The following RANBP2 variants were observed in gnomAD, a reference collection of about 807,000 sequenced individuals.
RANBP2 encodes the protein RAN binding protein 2, also known as E3 SUMO-protein ligase RanBP2.
Under a neutral mutation model 303.6 loss-of-function variants are expected in RANBP2, and 57 were observed. The observed-to-expected ratio is 0.19, with a 90% confidence interval of 0.15 to 0.23. The LOEUF is 0.23. RANBP2 is among the 10% of genes least tolerant of loss of function. The pLI, the probability that RANBP2 is intolerant of heterozygous loss-of-function variation, is 1.00. For synonymous variants in RANBP2, 1,167 were observed against 1,301.5 expected (o/e 0.90, Z 2.23); for missense variants, 3,138 against 3,780.8 (o/e 0.83, Z 4.46).
chr2:109,675,554 C>T, the RANBP2 span, among the ~76,000 whole-genome samples: 10 of 151,976 alleles, frequency 6.6e-5, no homozygotes, highest in Admixed American at 1.3e-4. Context: ...TGGTAGCAGG[C>T]GCCTGTAATC....
At chr2:109,380,457 G>A in the RANBP2 span, among the ~76,000 whole-genome samples, 2 of 152,156 alleles carry the variant, frequency 1.3e-5, no homozygotes, top group Admixed American at 6.5e-5. Flanking sequence ...GTTTTACAGA[G>A]CTCATCAAGC....
the RANBP2 span, among the ~76,000 whole-genome samples, chr2:109,240,770 CT>C: frequency 6.7e-6 from 1 of 148,652 alleles, no homozygotes; most frequent in Admixed American, 6.8e-5. Flanking sequence ...TCCTGTCGTC[CT>C]TCTCCTCTCT....
the RANBP2 span, among the ~76,000 whole-genome samples, chr2:109,150,846 T>A: frequency 2.0e-5 from 3 of 152,172 alleles, no homozygotes; most frequent in Non-Finnish European, 2.9e-5. Context: ...TTTGTGCTTT[T>A]ACCATACTAT....
chr2:109,221,781 A>G, the RANBP2 span, among the ~76,000 whole-genome samples: 46 of 152,298 alleles, frequency 3.0e-4, no homozygotes, highest in African/African-American at 1.0e-3. Context: ...GGCAGCCACT[A>G]TGGAAACCAG....
chr2:109,617,564 G>A, the RANBP2 span: 1 of 167,022 alleles, frequency 6.0e-6, no homozygotes, highest in South Asian at 2.1e-4. Flanking sequence ...TCGCGTAGTT[G>A]CTGAAACCTA....
chr2:108,973,189 T>C, the RANBP2 span, among the ~76,000 whole-genome samples: 1 of 152,238 alleles, frequency 6.6e-6, no homozygotes, highest in African/African-American at 2.4e-5. Context: ...GGTTTCACCA[T>C]GTTGGCCAGG....
chr2:109,584,165 GA>G, the RANBP2 span, among the ~76,000 whole-genome samples: 1 of 151,898 alleles, frequency 6.6e-6, no homozygotes, highest in African/African-American at 2.4e-5. Flanking sequence ...TTTTTAAAAG[GA>G]AAAAAATTAC....
the RANBP2 span, among the ~76,000 whole-genome samples, chr2:109,237,138 C>T: frequency 1.1e-4 from 16 of 152,130 alleles, no homozygotes; most frequent in East Asian, 1.7e-3. Flanking sequence ...AAGATGTTCA[C>T]GGAATAGATT....
At chr2:109,492,943 C>G in the RANBP2 span, among the ~76,000 whole-genome samples, 1 of 152,160 alleles carries the variant, frequency 6.6e-6, no homozygotes, top group Non-Finnish European at 1.5e-5. Context: ...AAGTGCCTTC[C>G]CCTCTACAGG....
the RANBP2 span, among the ~76,000 whole-genome samples, chr2:109,185,436 C>T: frequency 4.9e-4 from 75 of 152,310 alleles, no homozygotes; most frequent in African/African-American, 8.2e-4. Flanking sequence ...ATCCTTGATC[C>T]GAAGAGGCAA....
At chr2:109,019,157 G>A in the RANBP2 span, among the ~76,000 whole-genome samples, 59 of 152,332 alleles carry the variant, frequency 3.9e-4, 1 homozygote, top group Non-Finnish European at 6.2e-4. Flanking sequence ...CACGCCCTTC[G>A]GCAAACTGCA....
intron 18 of RANBP2, among the ~76,000 whole-genome samples, chr2:108,760,980 T>C (rs1676693385): frequency 6.6e-6 from 1 of 151,846 alleles, no homozygotes; most frequent in African/African-American, 2.4e-5. Flanking sequence ...CCTATTAACA[T>C]TTCTTTCCTA....
chr2:109,705,903 C>G, the RANBP2 span, among the ~76,000 whole-genome samples: 3 of 152,146 alleles, frequency 2.0e-5, no homozygotes, highest in Non-Finnish European at 4.4e-5. Flanking sequence ...ATCTCAGCCC[C>G]CCACAAAAAA....
chr2:109,369,560 T>C, the RANBP2 span, among the ~76,000 whole-genome samples: 1 of 152,100 alleles, frequency 6.6e-6, no homozygotes, highest in Non-Finnish European at 1.5e-5. Context: ...GGTTTGGGTG[T>C]TTTTGAAGCT....
the RANBP2 span, among the ~76,000 whole-genome samples, chr2:108,987,483 G>A: frequency 1.3e-5 from 2 of 152,242 alleles, no homozygotes; most frequent in Admixed American, 1.3e-4. Flanking sequence ...CCCCTGACAT[G>A]TCTGTGCTTC....
intron 25 of RANBP2, among the ~76,000 whole-genome samples, chr2:108,777,642 C>T (rs974954734): frequency 6.6e-6 from 1 of 151,866 alleles, no homozygotes; most frequent in Admixed American, 6.6e-5. Context: ...TAGGGTTGTG[C>T]TAATTTATTG....
the RANBP2 span, chr2:109,585,219 G>C: frequency 6.2e-7 from 1 of 1,612,602 alleles, no homozygotes. Context: ...ATATGTCTGA[G>C]CTTTAAGTTT....
At chr2:109,515,872 AG>A in the RANBP2 span, among the ~76,000 whole-genome samples, 1 of 152,096 alleles carries the variant, frequency 6.6e-6, no homozygotes, top group South Asian at 2.1e-4. Flanking sequence ...CATTACCGCC[AG>A]GAACGCACCA....
the RANBP2 span, among the ~76,000 whole-genome samples, chr2:108,825,610 A>C: frequency 6.6e-6 from 1 of 152,052 alleles, no homozygotes; most frequent in Non-Finnish European, 1.5e-5. Flanking sequence ...TTTGAAATTC[A>C]CTCATGTTGT....
Sources: allele counts gnomAD v4.1 joint callset (sites outside exome capture counted in the v4.1 genomes callset), GRCh38; gene constraint gnomAD v4.1.1; transcripts MANE v1.5; gene names NCBI Gene and HGNC (gene_info 2026-07-23, HGNC 2026-07-21).